RABEP1: variants seen among roughly 807,000 people sequenced by gnomAD.
RABEP1 encodes the protein rab GTPase-binding effector protein 1.
In RABEP1, 51 loss-of-function variants were observed where a neutral mutation model predicts 123.4. That is an observed-to-expected ratio of 0.41 (90% CI 0.33 to 0.52). RABEP1 has a LOEUF of 0.52. Ranked by LOEUF, RABEP1 falls within the 20% of genes least tolerant of loss-of-function variation. RABEP1 has a pLI of 0.16. For missense variants in RABEP1, 888 were observed against 996.3 expected (o/e 0.89, Z 1.46); for synonymous variants, 347 against 355.2 (o/e 0.98, Z 0.26).
In RABEP1 at chr17:5,316,596, G is replaced by A. The variant is rs748185054; in HGVS notation, c.163+7774G>A. ...GCCTATAATCCCAGCACTTTGGGAG[G>A]CCAAGGTGGGCGGATTGCATGAGGT... On this transcript the variant is annotated intron_variant, in intron 2 of 17. Coordinates refer to ENST00000537505, the MANE Select transcript of RABEP1 (RefSeq NM_004703.6). Among the ~76,000 whole-genome samples the A allele has an allele frequency of 9.7e-4, 147 of 151,802 alleles. 1 individual carries two copies. The highest frequency in any genetic ancestry group is 1.7e-3 in the Non-Finnish European group (116 of 67,918).
At chr17:5,323,200 C>T (rs1354688732) in intron 2 of RABEP1, among the ~76,000 whole-genome samples, 1 of 152,160 alleles carries the variant, frequency 6.6e-6, no homozygotes, top group Non-Finnish European at 1.5e-5. Context: ...GTCGAAGGAA[C>T]ATACCTCAAA....
chr17:5,339,271 A>C (rs1172557691), intron 5 of RABEP1, among the ~76,000 whole-genome samples: 1 of 152,262 alleles, frequency 6.6e-6, no homozygotes, highest in Non-Finnish European at 1.5e-5. Context: ...TGTTTAAAAG[A>C]GATTATCACA....
intron 2 of RABEP1, among the ~76,000 whole-genome samples, chr17:5,311,642 G>A (rs2075241597): frequency 7.3e-6 from 1 of 136,216 alleles, no homozygotes; most frequent in African/African-American, 2.8e-5. Context: ...GTTGCAGCAA[G>A]CTGAGATTGT....
chr17:5,344,902 G>T (rs1907940631), intron 5 of RABEP1, among the ~76,000 whole-genome samples: 1 of 151,924 alleles, frequency 6.6e-6, no homozygotes, highest in Admixed American at 6.6e-5. Flanking sequence ...GGTTGACGTT[G>T]CAGTAAGCTG....
intron 10 of RABEP1, 25 bp downstream of exon 10, chr17:5,363,041 A>G: frequency 6.5e-7 from 1 of 1,543,246 alleles, no homozygotes; most frequent in Non-Finnish European, 9.0e-7. Context: ...GATGCGCCAA[A>G]TTGGATATTG....
At chr17:5,376,965 C>A in intron 13 of RABEP1, 151 bp from the exon 14 acceptor site, 1 of 731,044 alleles carries the variant, frequency 1.4e-6, no homozygotes, top group South Asian at 2.0e-5. Context: ...TGACATGGCA[C>A]CTGCCCTGAA....
In RABEP1 at chr17:5,378,238, T is replaced by C; in HGVS notation, c.2271+6T>C. 1 of 1,579,692 alleles carries C rather than the reference T, an allele frequency of 6.3e-7. No individual in the cohort carries two copies. Among genetic ancestry groups the C allele is most frequent in the South Asian group, 1.1e-5 (1 of 90,316 alleles). On this transcript the variant is annotated splice_donor_region_variant and intron_variant, in intron 15 of 17. Coordinates refer to ENST00000537505, the MANE Select transcript of RABEP1 (RefSeq NM_004703.6). ...TAAAAGTGGAAAAAGGACAGGTAAGTCGTGAGTTTCAAATTAATTCTATCA... is the reference window on the plus strand; with the variant it reads ...TAAAAGTGGAAAAAGGACAGGTAAGCCGTGAGTTTCAAATTAATTCTATCA...
chr17:5,363,964 A>G (rs1909794246), intron 10 of RABEP1, among the ~76,000 whole-genome samples: 1 of 152,220 alleles, frequency 6.6e-6, no homozygotes, highest in Admixed American at 6.5e-5. Context: ...TTTCCCTCAT[A>G]TTTCCAAATT....
chr17:5,302,244 A>AT (rs57770310), intron 1 of RABEP1, among the ~76,000 whole-genome samples: 52,430 of 118,410 alleles, frequency 0.44, 13,457 homozygotes, highest in Non-Finnish European at 0.54. Context: ...TACTGAAAAC[A>AT]TTTTTTTTTT....
intron 10 of RABEP1, 84 bp downstream of exon 10, chr17:5,363,100 G>A: frequency 1.0e-6 from 1 of 980,298 alleles, no homozygotes; most frequent in Admixed American, 1.9e-5. Context: ...TCCGGCCCCA[G>A]CCCCATTTAC....
intron 2 of RABEP1, among the ~76,000 whole-genome samples, chr17:5,314,655 A>T (rs1209254098): frequency 6.6e-6 from 1 of 151,526 alleles, no homozygotes; most frequent in Non-Finnish European, 1.5e-5. Context: ...AGTAGCTGGG[A>T]CTACAGGCGC....
intron 5 of RABEP1, 117 bp downstream of exon 5, chr17:5,338,255 A>G: frequency 1.5e-6 from 2 of 1,297,308 alleles, no homozygotes; most frequent in Non-Finnish European, 2.1e-6. Flanking sequence ...GCATCTTAAG[A>G]ATCTTTCTTT....
chr17:5,307,780 C>T (rs147342732), intron 1 of RABEP1, among the ~76,000 whole-genome samples: 46 of 152,254 alleles, frequency 3.0e-4, no homozygotes, highest in Non-Finnish European at 5.0e-4. Context: ...TGCTAATCTC[C>T]GCACACCATG....
At chr17:5,293,341 A>G (rs1187311965) in intron 1 of RABEP1, among the ~76,000 whole-genome samples, 2 of 151,952 alleles carry the variant, frequency 1.3e-5, no homozygotes, top group African/African-American at 2.4e-5. Flanking sequence ...ATCTCTTTGT[A>G]TATAATATCT....
Position 5,365,254 on chromosome 17 carries a change from T to C in RABEP1, c.1785+16T>C. 6.5e-7 allele frequency: 1 copy of C among 1,544,702 alleles called. No homozygotes were observed. Among genetic ancestry groups the C allele is most frequent in the Non-Finnish European group, 8.8e-7 (1 of 1,135,722 alleles). ...GAGTCACCAGGTAAGGGAGGGTTTATAGACTGTGGCCCATGAGGGATGACT... is the reference window on the plus strand; with the variant it reads ...GAGTCACCAGGTAAGGGAGGGTTTACAGACTGTGGCCCATGAGGGATGACT... On this transcript the variant is annotated intron_variant, in intron 11 of 17. Transcript: ENST00000537505.
At chr17:5,356,753 C>T (rs1470220134) in intron 8 of RABEP1, among the ~76,000 whole-genome samples, 5 of 151,142 alleles carry the variant, frequency 3.3e-5, no homozygotes, top group African/African-American at 4.9e-5. Context: ...CGGGCTCAAG[C>T]GGTCCTTCTG....
intron 1 of RABEP1, among the ~76,000 whole-genome samples, chr17:5,302,684 C>T (rs2075146567): frequency 6.7e-6 from 1 of 149,222 alleles, no homozygotes; most frequent in South Asian, 2.1e-4. Flanking sequence ...CACACAACCA[C>T]ACCTGGCTAA....
intron 11 of RABEP1, among the ~76,000 whole-genome samples, chr17:5,366,785 T>C (rs1910030982): frequency 6.6e-6 from 1 of 151,496 alleles, no homozygotes; most frequent in Non-Finnish European, 1.5e-5. Context: ...TGAACAGAAG[T>C]CCTTAATAAT....
At chr17:5,312,842 C>G (rs980802662) in intron 2 of RABEP1, among the ~76,000 whole-genome samples, 2 of 152,192 alleles carry the variant, frequency 1.3e-5, no homozygotes, top group African/African-American at 4.8e-5. Flanking sequence ...CACGGTCGCA[C>G]ATGCCTGTAA....
Sources: allele counts gnomAD v4.1 joint callset (sites outside exome capture counted in the v4.1 genomes callset), GRCh38; gene constraint gnomAD v4.1.1; transcripts MANE v1.5; gene names NCBI Gene and HGNC (gene_info 2026-07-23, HGNC 2026-07-21).